Variants in MYH7B observed in about 807,000 individuals in gnomAD.
MYH7B encodes the protein myosin-7B.
A neutral mutation model predicts 234.5 loss-of-function variants in MYH7B; 205 were observed. The observed-to-expected ratio is 0.87, with a 90% confidence interval of 0.78 to 0.98. MYH7B has a LOEUF of 0.98. MYH7B is among the 50% of genes least tolerant of loss of function. The pLI, the probability that MYH7B is intolerant of heterozygous loss-of-function variation, is 0.00. For missense variants in MYH7B, 2,652 were observed against 2,633.4 expected (o/e 1.01, Z -0.15); for synonymous variants, 1,193 against 1,105.0 (o/e 1.08, Z -1.58).
At chr20:34,971,428 A>G (rs1309475138) in intron 2 of MYH7B, among the ~76,000 whole-genome samples, 1 of 141,824 alleles carries the variant, frequency 7.1e-6, no homozygotes, top group Admixed American at 7.5e-5. Context: ...CCATAAATCC[A>G]TGCTGAGGCA....
At chr20:35,001,403 A>C (rs550030084) in intron 42 of MYH7B, 28 bp from the exon 43 acceptor site, 2 of 1,594,612 alleles carry the variant, frequency 1.3e-6, no homozygotes, top group East Asian at 2.3e-5. Flanking sequence ...CAGCCCAAGC[A>C]AGCCCTGAGT....
intron 10 of MYH7B, among the ~76,000 whole-genome samples, chr20:34,984,048 T>C (rs1005281429): frequency 2.0e-5 from 3 of 152,218 alleles, no homozygotes; most frequent in Non-Finnish European, 4.4e-5. Context: ...GGCAGGATGC[T>C]GGGCACCTGC....
chr20:34,988,005 A>G, intron 18 of MYH7B, 87 bp from the exon 19 acceptor site: 1 of 1,564,126 alleles, frequency 6.4e-7, no homozygotes, highest in Admixed American at 1.8e-5. Flanking sequence ...TTCTGCCTGG[A>G]AGTTGGGGGT....
intron 2 of MYH7B, among the ~76,000 whole-genome samples, chr20:34,968,538 C>T (rs2081763590): frequency 6.6e-6 from 1 of 152,210 alleles, no homozygotes; most frequent in Admixed American, 6.5e-5. Flanking sequence ...CCTCCCAGGC[C>T]CCTCCCTGCT....
At chr20:34,993,345 G>A (rs1376497240) in exon 26 of MYH7B, 1 of 1,614,124 alleles carries the variant, frequency 6.2e-7, no homozygotes, top group African/African-American at 1.3e-5. Flanking sequence ...TGTTCTTCAA[G>A]GCTGGGCTTC....
chr20:34,980,890 C>T (rs1484829239), intron 8 of MYH7B, 143 bp from the exon 9 acceptor site: 4 of 1,488,268 alleles, frequency 2.7e-6, no homozygotes, highest in Non-Finnish European at 3.7e-6. Flanking sequence ...GGGAGCTGAC[C>T]TCCACTAGGG....
chr20:34,981,149 C>T (rs1299316930), intron 9 of MYH7B, 89 bp downstream of exon 9: 30 of 1,546,332 alleles, frequency 1.9e-5, no homozygotes, highest in Non-Finnish European at 2.7e-5. Context: ...AGGATTGAAT[C>T]CAAAGTGCTT....
exon 41 of MYH7B, chr20:35,001,108 C>A: frequency 6.2e-7 from 1 of 1,613,894 alleles, no homozygotes; most frequent in South Asian, 1.1e-5. Context: ...GGAGGCAGAA[C>A]AGGCCGCCCT....
intron 13 of MYH7B, among the ~76,000 whole-genome samples, chr20:34,985,641 A>G (rs2082006322): frequency 6.6e-6 from 1 of 152,116 alleles, no homozygotes; most frequent in Admixed American, 6.5e-5. Flanking sequence ...CCAGGGACAC[A>G]GAGGGGCCCC....
At chr20:34,969,215 G>A (rs1205609381) in intron 2 of MYH7B, among the ~76,000 whole-genome samples, 1 of 152,166 alleles carries the variant, frequency 6.6e-6, no homozygotes, top group African/African-American at 2.4e-5. Context: ...CACTCTCTGA[G>A]GACCAGCCCT....
chr20:34,962,088 G>A (rs757768484), intron 2 of MYH7B, among the ~76,000 whole-genome samples: 4 of 152,140 alleles, frequency 2.6e-5, no homozygotes, highest in Non-Finnish European at 5.9e-5. Flanking sequence ...TTAGCCGGGC[G>A]TGGTGGCATG....
At chr20:34,959,485 T>C (rs1039231039) in intron 2 of MYH7B, among the ~76,000 whole-genome samples, 3 of 149,882 alleles carry the variant, frequency 2.0e-5, no homozygotes, top group Non-Finnish European at 4.5e-5. Flanking sequence ...TTCTTTCTTT[T>C]TTTTTTTTTT....
chr20:34,983,941 G>A (rs2081977959), intron 10 of MYH7B, among the ~76,000 whole-genome samples: 1 of 152,236 alleles, frequency 6.6e-6, no homozygotes, highest in Non-Finnish European at 1.5e-5. Flanking sequence ...GGAAAAGGAA[G>A]GGAAAGTGAG....
chr20:34,997,197 G>A, intron 31 of MYH7B, 24 bp downstream of exon 31: 1 of 1,551,344 alleles, frequency 6.4e-7, no homozygotes, highest in Non-Finnish European at 8.7e-7. Flanking sequence ...GGGTGGGTGA[G>A]GCCTGGGGTC....
At chr20:34,958,319 C>G (rs1273474167) in intron 2 of MYH7B, among the ~76,000 whole-genome samples, 107 bp downstream of exon 2, 3 of 152,144 alleles carry the variant, frequency 2.0e-5, no homozygotes, top group Admixed American at 1.3e-4. Flanking sequence ...GTGAAGGACT[C>G]TTGACTAAGA....
chr20:34,995,516 A>G (rs780788674), exon 28 of MYH7B: 14 of 1,614,072 alleles, frequency 8.7e-6, no homozygotes, highest in African/African-American at 1.3e-5. Context: ...CAAGAAGGAC[A>G]TTGATGACCT....
intron 14 of MYH7B, 65 bp from the exon 15 acceptor site, chr20:34,986,821 A>T (rs2082033125): frequency 7.3e-7 from 1 of 1,373,912 alleles, no homozygotes; most frequent in Non-Finnish European, 1.0e-6. Context: ...CTATGCTGCA[A>T]TTGTTGTGGG....
At chr20:34,991,243 G>T in intron 24 of MYH7B, 122 bp downstream of exon 24, 1 of 686,378 alleles carries the variant, frequency 1.5e-6, no homozygotes, top group Non-Finnish European at 2.4e-6. Context: ...GACTGTGAGG[G>T]GCCTGGCCAG....
At position 35,001,011 on chromosome 20, in the gene MYH7B, G is replaced by GA. The variant is rs2082365889; in HGVS notation, c.5330dup (p.Lys1778GlufsTer28). On this transcript the variant is annotated frameshift_variant, in exon 41 of 45. Transcript: ENST00000262873. LOFTEE classifies it high-confidence loss of function. ...AGGCGGCCATGATGGCCGAGGAGCT[G>GA]AAGAAGGAGCAGGACACAAGTGCAC... 6.2e-7 allele frequency: 1 copy of GA among 1,613,698 alleles called. No homozygotes were observed. The highest frequency in any genetic ancestry group is 1.7e-5 in the Admixed American group (1 of 60,010).
Sources: allele counts gnomAD v4.1 joint callset (sites outside exome capture counted in the v4.1 genomes callset), GRCh38; gene constraint gnomAD v4.1.1; transcripts MANE v1.5; gene names NCBI Gene and HGNC (gene_info 2026-07-23, HGNC 2026-07-21).